Variants in KCNN3 observed in about 807,000 individuals in gnomAD.
The protein encoded by KCNN3 is small conductance calcium-activated potassium channel protein 3.
In KCNN3, 16 loss-of-function variants were observed where a neutral mutation model predicts 62.9. That is an observed-to-expected ratio of 0.25 (90% CI 0.17 to 0.39). The LOEUF is 0.39. Among genes scored for constraint, KCNN3 ranks in the 10% least tolerant of loss-of-function variants. The probability of loss-of-function intolerance (pLI) is 1.00; values close to 1 mark genes in which losing one functional copy is unlikely to be tolerated. For missense variants in KCNN3, 599 were observed against 949.4 expected (o/e 0.63, Z 4.85); for synonymous variants, 370 against 389.2 (o/e 0.95, Z 0.58).
intron 3 of KCNN3, among the ~76,000 whole-genome samples, chr1:154,755,531 A>AT: frequency 1.6e-5 from 1 of 63,272 alleles, no homozygotes; most frequent in Non-Finnish European, 3.7e-5. Flanking sequence ...AAGAAAGAAG[A>AT]AGAAAGGAAA....
At chr1:154,846,751 T>C (rs1652078015) in intron 1 of KCNN3, among the ~76,000 whole-genome samples, 1 of 152,184 alleles carries the variant, frequency 6.6e-6, no homozygotes, top group African/African-American at 2.4e-5. Context: ...CACTTCTCGC[T>C]GTACTCCACA....
At chr1:154,867,771 C>A (rs898003319) in intron 1 of KCNN3, among the ~76,000 whole-genome samples, 1 of 120,718 alleles carries the variant, frequency 8.3e-6, no homozygotes, top group African/African-American at 3.1e-5. Flanking sequence ...ATAGAAAAAC[C>A]CAAGCAACAA....
At chr1:154,765,635 T>C (rs1427188956) in intron 3 of KCNN3, among the ~76,000 whole-genome samples, 1 of 150,340 alleles carries the variant, frequency 6.7e-6, no homozygotes, top group Non-Finnish European at 1.5e-5. Context: ...TTCCTTTTTT[T>C]TTTTTTTTTT....
intron 2 of KCNN3, among the ~76,000 whole-genome samples, chr1:154,792,159 A>C (rs1649545907): frequency 6.6e-6 from 1 of 152,238 alleles, no homozygotes; most frequent in Admixed American, 6.5e-5. Flanking sequence ...GAAAGGGAAC[A>C]GAGTGCCACG....
At chr1:154,710,985 A>G (rs915529275) in intron 7 of KCNN3, among the ~76,000 whole-genome samples, 2 of 152,210 alleles carry the variant, frequency 1.3e-5, no homozygotes, top group African/African-American at 4.8e-5. Flanking sequence ...CAGCCATCCC[A>G]TTACTGGGTA....
intron 2 of KCNN3, among the ~76,000 whole-genome samples, chr1:154,814,852 C>T (rs1035229153): frequency 2.0e-5 from 3 of 152,206 alleles, no homozygotes; most frequent in Non-Finnish European, 4.4e-5. Flanking sequence ...GGCAGGAGGC[C>T]GAGGCCCAAA....
chr1:154,779,447 G>A lies in KCNN3; in HGVS notation c.1030-7054C>T, dbSNP rs373332019. 4.6e-5 allele frequency among the ~76,000 whole-genome samples: 7 copies of A among 152,278 alleles called. No individual in the cohort carries two copies. In the East Asian group the frequency reaches 7.7e-4, roughly 17 times the overall value. On this transcript the variant is annotated intron_variant, in intron 2 of 7. Coordinates refer to ENST00000271915, the MANE Select transcript of KCNN3 (RefSeq NM_002249.6). ...TCTCAAGTAACTGGGTGACTGGATG[G>A]GGAGGAGATCAGGGTCAAGGGCCAT...
chr1:154,755,743 AAAG>A (rs1280414780), intron 3 of KCNN3, among the ~76,000 whole-genome samples: 8 of 146,612 alleles, frequency 5.5e-5, no homozygotes, highest in South Asian at 2.2e-4. Flanking sequence ...AGAAGAAGGC[AAAG>A]AAGAAGAAGG....
chr1:154,868,074 C>T, intron 1 of KCNN3: 1 of 985,612 alleles, frequency 1.0e-6, no homozygotes, highest in Non-Finnish European at 1.2e-6. Context: ...CATCCGGGCG[C>T]GCACTCACAC....
intron 1 of KCNN3, among the ~76,000 whole-genome samples, chr1:154,823,416 G>A (rs1448391131): frequency 2.6e-5 from 4 of 152,190 alleles, no homozygotes; most frequent in Non-Finnish European, 5.9e-5. Flanking sequence ...TTTCTGGAAG[G>A]CACCTTACAG....
intron 1 of KCNN3, among the ~76,000 whole-genome samples, chr1:154,827,444 T>C (rs779136161): frequency 3.3e-5 from 5 of 152,188 alleles, no homozygotes; most frequent in Non-Finnish European, 7.3e-5. Flanking sequence ...TCTTTCATTC[T>C]TACCCATCAT....
At chr1:154,822,387 C>G (rs1650940020) in intron 1 of KCNN3, among the ~76,000 whole-genome samples, 1 of 152,200 alleles carries the variant, frequency 6.6e-6, no homozygotes, top group Admixed American at 6.5e-5. Context: ...TCAGCAGCTG[C>G]CCCCTTTGAG....
At chr1:154,711,960 G>A (rs12135010) in intron 7 of KCNN3, among the ~76,000 whole-genome samples, 2 of 151,458 alleles carry the variant, frequency 1.3e-5, no homozygotes, top group Admixed American at 1.3e-4. Flanking sequence ...GACAGGGAAA[G>A]GGAGAGGAAG....
intron 1 of KCNN3, among the ~76,000 whole-genome samples, chr1:154,844,627 G>A (rs1227921506): frequency 6.6e-6 from 1 of 151,180 alleles, no homozygotes; most frequent in Non-Finnish European, 1.5e-5. Context: ...TTTTACAAAG[G>A]GCTTTCGCTC....
rs1241679804 is a variant in KCNN3 at position 154,699,134 on chromosome 1, G to A, written c.*8842C>T. On this transcript the variant is annotated 3_prime_UTR_variant, in exon 8 of 8. Transcript: ENST00000271915. Reference sequence around the variant, plus strand: ...AAAGGAAAAATGTTTCCTCTTTGGTGACCTGAGAAAGTTTACCGTAACTCC... The same window carrying A: ...AAAGGAAAAATGTTTCCTCTTTGGTAACCTGAGAAAGTTTACCGTAACTCC... The A allele has an allele frequency of 6.7e-6, 1 of 149,464 alleles. No individual in the cohort carries two copies. Among genetic ancestry groups the A allele is most frequent in the Admixed American group, 6.7e-5 (1 of 15,010 alleles). 9.3% of individuals were successfully genotyped at this position (149,464 alleles called of 1,614,324 possible).
chr1:154,855,264 A>C (rs1159459977), intron 1 of KCNN3, among the ~76,000 whole-genome samples: 1 of 151,822 alleles, frequency 6.6e-6, no homozygotes, highest in Non-Finnish European at 1.5e-5. Flanking sequence ...TAGTAAGGTA[A>C]GGTTAACTTG....
intron 3 of KCNN3, among the ~76,000 whole-genome samples, chr1:154,739,052 A>G (rs1700772933): frequency 6.6e-6 from 1 of 152,244 alleles, no homozygotes; most frequent in Non-Finnish European, 1.5e-5. Context: ...TAAATAAACC[A>G]AAGCATCAAA....
intron 2 of KCNN3, among the ~76,000 whole-genome samples, chr1:154,787,278 G>A (rs2659917): frequency 0.013 from 1,909 of 152,294 alleles, 35 homozygotes; most frequent in African/African-American, 0.042. Flanking sequence ...CCCTCCCCAC[G>A]GTTGAGAAAG....
intron 2 of KCNN3, among the ~76,000 whole-genome samples, chr1:154,785,837 A>G (rs72700254): frequency 0.26 from 39,441 of 151,676 alleles, 5,633 homozygotes; most frequent in Middle Eastern, 0.34. Flanking sequence ...CTAGCCTCAT[A>G]TGATCAGCCA....
Sources: gnomAD v4.1 joint callset for allele counts (sites outside exome capture counted in the v4.1 genomes callset) on GRCh38, gnomAD v4.1.1 for gene constraint, MANE v1.5 for transcripts, NCBI Gene and HGNC (gene_info 2026-07-23, HGNC 2026-07-21) for gene names.